Variants in EPB41L5 observed in about 807,000 individuals in gnomAD.
EPB41L5 encodes band 4.1-like protein 5.
Under a neutral mutation model 106.6 loss-of-function variants are expected in EPB41L5, and 55 were observed. That is an observed-to-expected ratio of 0.52 (90% CI 0.42 to 0.65). EPB41L5 has a LOEUF of 0.65. EPB41L5 is among the 30% of genes least tolerant of loss of function. The probability of loss-of-function intolerance (pLI) is 0.00; values close to 1 mark genes in which losing one functional copy is unlikely to be tolerated. For synonymous variants in EPB41L5, 297 were observed against 306.7 expected (o/e 0.97, Z 0.33); for missense variants, 871 against 882.1 (o/e 0.99, Z 0.16).
chr2:120,045,345 G>C (rs536317164), intron 3 of EPB41L5, among the ~76,000 whole-genome samples: 1 of 152,108 alleles, frequency 6.6e-6, no homozygotes, highest in Non-Finnish European at 1.5e-5. Context: ...TTACGTTCAT[G>C]TACACATATT....
chr2:120,100,636 T>C, intron 15 of EPB41L5, 63 bp from the exon 16 acceptor site: 1 of 1,146,836 alleles, frequency 8.7e-7, no homozygotes, highest in Non-Finnish European at 1.3e-6. Flanking sequence ...CATTTTAGTA[T>C]TTGTTGGTGA....
chr2:120,100,624 T>A (rs1684083131), intron 15 of EPB41L5, 75 bp from the exon 16 acceptor site: 1 of 1,014,974 alleles, frequency 9.9e-7, no homozygotes, highest in African/African-American at 1.6e-5. Context: ...TAAATAGTAC[T>A]CCATTTTAGT....
chr2:120,091,662 G>GTGAA lies in EPB41L5; in HGVS notation c.1150+2_1150+5dup, dbSNP rs763801692. On this transcript the variant is annotated splice_donor_variant, in intron 13 of 24. Coordinates refer to ENST00000263713, the MANE Select transcript of EPB41L5 (RefSeq NM_020909.4). LOFTEE classifies it high-confidence loss of function. ...TCTAGACGAACTCTACAAATGAAAG[G>GTGAA]TGAAGTGCAACCCTCTTTCAAAGGA... 1 of 1,602,132 alleles carries GTGAA rather than the reference G, an allele frequency of 6.2e-7. No individual in the cohort carries two copies. The highest frequency in any genetic ancestry group is 8.5e-7 in the Non-Finnish European group (1 of 1,169,628).
chr2:120,039,415 A>G (rs1331728075), intron 2 of EPB41L5, among the ~76,000 whole-genome samples: 1 of 152,180 alleles, frequency 6.6e-6, no homozygotes, highest in Non-Finnish European at 1.5e-5. Flanking sequence ...TATACTTAAA[A>G]TAGTTAAAAT....
intron 3 of EPB41L5, among the ~76,000 whole-genome samples, chr2:120,050,898 T>C (rs111803560): frequency 4.1e-4 from 62 of 152,342 alleles, no homozygotes; most frequent in African/African-American, 1.4e-3. Context: ...CAGCTGCAGG[T>C]CTGTTGGAGT....
chr2:120,134,701 C>T (rs1205122707), intron 18 of EPB41L5, among the ~76,000 whole-genome samples: 3 of 152,212 alleles, frequency 2.0e-5, no homozygotes, highest in Non-Finnish European at 4.4e-5. Flanking sequence ...AAGGCTGTAC[C>T]TTAACAAGCC....
intron 2 of EPB41L5, among the ~76,000 whole-genome samples, chr2:120,037,891 A>G (rs140941512): frequency 3.7e-4 from 56 of 152,354 alleles, no homozygotes; most frequent in Admixed American, 1.2e-3. Flanking sequence ...ACAAAAATTA[A>G]TGTAAAGATG....
At chr2:120,161,021 A>T (rs1260566163) in intron 21 of EPB41L5, 47 bp downstream of exon 21, 2 of 1,369,106 alleles carry the variant, frequency 1.5e-6, no homozygotes, top group South Asian at 1.2e-5. Context: ...GACAGTTTTG[A>T]ATTGAATCTT....
chr2:120,120,223 G>C (rs1685146745), intron 16 of EPB41L5, among the ~76,000 whole-genome samples: 1 of 152,092 alleles, frequency 6.6e-6, no homozygotes, highest in Admixed American at 6.5e-5. Flanking sequence ...GAAGTCAGCA[G>C]TTCGAGACCA....
chr2:120,061,262 G>A (rs1487416772), intron 3 of EPB41L5, among the ~76,000 whole-genome samples: 25 of 141,478 alleles, frequency 1.8e-4, no homozygotes, highest in African/African-American at 4.2e-4. Context: ...TCGCTCTGTC[G>A]CCCAGGCTGG....
chr2:120,127,038 T>A (rs1685486191), intron 16 of EPB41L5, among the ~76,000 whole-genome samples: 2 of 152,240 alleles, frequency 1.3e-5, no homozygotes, highest in South Asian at 4.1e-4. Flanking sequence ...CTACATCAAT[T>A]TCCTCATGAG....
Position 120,093,821 on chromosome 2 carries a change from C to G in EPB41L5, c.1178+545C>G, listed in dbSNP as rs1044260870. ...TTTACAAAATAAGTTTGTATATGTT[C>G]CCTCCTCATCTATTTCTTGGGAAGA... On this transcript the variant is annotated intron_variant, in intron 14 of 24. Transcript: ENST00000263713. Among the ~76,000 whole-genome samples the G allele has an allele frequency of 3.3e-5, 5 of 152,102 alleles. No homozygotes were observed. The East Asian group carries it at 9.7e-4, about 29-fold the overall frequency.
intron 2 of EPB41L5, among the ~76,000 whole-genome samples, chr2:120,019,600 T>G (rs150862252): frequency 9.2e-5 from 14 of 152,350 alleles, no homozygotes; most frequent in Non-Finnish European, 2.1e-4. Flanking sequence ...CAATCCTTGT[T>G]GAACCATTAT....
intron 20 of EPB41L5, among the ~76,000 whole-genome samples, chr2:120,159,350 G>A (rs1411564214): frequency 1.3e-5 from 2 of 150,558 alleles, no homozygotes; most frequent in Admixed American, 1.3e-4. Context: ...GTGAACCTGG[G>A]AGGTGGAGCT....
intron 24 of EPB41L5, among the ~76,000 whole-genome samples, chr2:120,172,042 A>AAATT (rs1293628779): frequency 6.7e-6 from 1 of 149,976 alleles, no homozygotes; most frequent in Non-Finnish European, 1.5e-5. Context: ...GCATTTTTAG[A>AAATT]AATTATTAAC....
intron 24 of EPB41L5, among the ~76,000 whole-genome samples, chr2:120,173,066 A>C (rs72841658): frequency 0.051 from 7,773 of 152,230 alleles, 245 homozygotes; most frequent in Non-Finnish European, 0.071. Flanking sequence ...CGTTTCTAAA[A>C]AACAACAACA....
chr2:120,146,097 G>A (rs1348351219), intron 19 of EPB41L5, 128 bp from the exon 20 acceptor site: 4 of 618,600 alleles, frequency 6.5e-6, no homozygotes, highest in Admixed American at 2.7e-5. Flanking sequence ...CATAGATAAG[G>A]TATGATTACC....
intron 10 of EPB41L5, among the ~76,000 whole-genome samples, chr2:120,078,951 A>C (rs1682441592): frequency 6.6e-6 from 1 of 152,296 alleles, no homozygotes; most frequent in South Asian, 2.1e-4. Flanking sequence ...GGAAGATACT[A>C]ATATTTTTAT....
At chr2:120,163,979 A>AATTTT (rs1687268274) in intron 21 of EPB41L5, among the ~76,000 whole-genome samples, 1 of 39,366 alleles carries the variant, frequency 2.5e-5, no homozygotes, top group African/African-American at 7.6e-5. Flanking sequence ...TTTTGTATTT[A>AATTTT]CTTTTTTTTT....
Sources: allele counts gnomAD v4.1 joint callset (sites outside exome capture counted in the v4.1 genomes callset), GRCh38; gene constraint gnomAD v4.1.1; transcripts MANE v1.5; gene names NCBI Gene and HGNC (gene_info 2026-07-23, HGNC 2026-07-21).